NUBP1: variants seen among roughly 807,000 people sequenced by gnomAD.
NUBP1 encodes cytosolic Fe-S cluster assembly factor NUBP1.
A neutral mutation model predicts 41.8 loss-of-function variants in NUBP1; 46 were observed. That is an observed-to-expected ratio of 1.10 (90% confidence interval 0.87 to 1.41). NUBP1 has a LOEUF of 1.41. NUBP1 is among the 40% of genes most tolerant of loss of function. NUBP1 has a pLI of 0.00. For missense variants in NUBP1, 494 were observed against 414.0 expected, an observed-to-expected ratio of 1.19 and a Z score of -1.68; for synonymous variants, 189 against 154.6, an observed-to-expected ratio of 1.22 and a Z score of -1.65.
intron 7 of NUBP1, chr16:10,761,163 T>G: frequency 2.1e-6 from 1 of 487,622 alleles, no homozygotes; most frequent in Non-Finnish European, 3.7e-6. Context: ...AACTGCCTGT[T>G]CCTGTAGGGA....
rs1485261596 is a variant in NUBP1, at chr16:10,768,069, T to C, written c.904+37T>C. On this transcript the variant is annotated intron_variant, in intron 10 of 10. Coordinates refer to ENST00000283027, the MANE Select transcript of NUBP1 (RefSeq NM_002484.4). The surrounding 1 kb of genome is among the most constrained non-coding windows in gnomAD (Gnocchi z 4.3). ...CATGAGTACTAAATGCAGATGCCTG[T>C]GGGGCAGGAAGCAACATAAAGGAGC... 6.3e-7 allele frequency: 1 copy of C among 1,595,764 alleles called. No individual in the cohort carries two copies. Among genetic ancestry groups the C allele is most frequent in the Non-Finnish European group, 8.6e-7 (1 of 1,164,338 alleles).
chr16:10,750,672 G>A (rs1020396148), intron 3 of NUBP1, among the ~76,000 whole-genome samples: 1 of 152,234 alleles, frequency 6.6e-6, no homozygotes, highest in African/African-American at 2.4e-5. Flanking sequence ...GCTGAGAGGG[G>A]CCTTGATGAC....
rs933808735 is a variant in NUBP1, at chr16:10,767,698, T to C, written c.821-251T>C. The C allele has an allele frequency of 5.6e-6, 3 of 534,308 alleles. No homozygotes were observed. The African/African-American group carries it at 5.7e-5, about 10-fold the overall frequency. The allele number at this position is 534,308 out of a possible 1,614,324, so 33.1% of individuals were successfully genotyped here. A position where few individuals can be genotyped will look rare whatever the true frequency, so the allele number is the denominator to read the frequency against. On this transcript the variant is annotated intron_variant, in intron 9 of 10. Transcript: ENST00000283027. This position sits in a 1 kb window ranked among gnomAD's most constrained non-coding sequence, Gnocchi z 4.6. Reference sequence around the variant, plus strand: ...CATGTGGAAGCTGCTGAATCAGTTCTCTGTAGGGCCCTGGAACCTGCATTT... The same window carrying C: ...CATGTGGAAGCTGCTGAATCAGTTCCCTGTAGGGCCCTGGAACCTGCATTT...
chr16:10,762,749 G>C (rs746516866), intron 9 of NUBP1, among the ~76,000 whole-genome samples: 1 of 151,916 alleles, frequency 6.6e-6, no homozygotes, highest in Non-Finnish European at 1.5e-5. Context: ...TGTCTGTGCC[G>C]GGACAGGAGA....
Position 10,765,835 on chromosome 16 carries a change from C to T in NUBP1, c.821-2114C>T, listed in dbSNP as rs2030791940. ...ATTCTGAGCTGAGAACATTAAGTGC[C>T]TTCTAGTGGGCATGGTCCTGTGTGT... On this transcript the variant is annotated intron_variant, in intron 9 of 10. Transcript: ENST00000283027. The surrounding 1 kb of genome is among the most constrained non-coding windows in gnomAD (Gnocchi z 4.0). Among the ~76,000 whole-genome samples the T allele has an allele frequency of 6.6e-6, 1 of 152,244 alleles. No homozygotes were observed. The highest frequency in any genetic ancestry group is 1.5e-5 in the Non-Finnish European group (1 of 68,040).
Position 10,768,911 on chromosome 16 carries a change from C to T in NUBP1, c.905-136C>T. ...GGTCACTTTCAAAGACTCAGGGCAT[C>T]ACAGACACAGGTCTTTTTATGGAAC... On this transcript the variant is annotated intron_variant, in intron 10 of 10. Coordinates refer to ENST00000283027, the MANE Select transcript of NUBP1 (RefSeq NM_002484.4). This position sits in a 1 kb window ranked among gnomAD's most constrained non-coding sequence, Gnocchi z 4.3. The T allele has an allele frequency of 1.4e-6, 1 of 730,434 alleles. No individual in the cohort carries two copies. Among genetic ancestry groups the T allele is most frequent in the Non-Finnish European group, 2.4e-6 (1 of 422,392 alleles). 45.2% of individuals were successfully genotyped at this position (730,434 alleles called of 1,614,324 possible).
chr16:10,759,017 G>A lies in NUBP1; in HGVS notation c.606+990G>A, dbSNP rs979750485. 1.3e-5 allele frequency among the ~76,000 whole-genome samples: 2 copies of A among 152,154 alleles called. No homozygotes were observed. Among genetic ancestry groups the A allele is most frequent in the Admixed American group, 6.5e-5 (1 of 15,284 alleles). ...GGCTCTTCTCCATCTCCACAGTTAC[G>A]CCTGACTTCTCTTCATGACGTTCTC... On this transcript the variant is annotated intron_variant, in intron 7 of 10. Transcript: ENST00000283027. This position sits in a 1 kb window ranked among gnomAD's most constrained non-coding sequence, Gnocchi z 4.7.
intron 5 of NUBP1, 87 bp from the exon 6 acceptor site, chr16:10,756,603 C>A: frequency 1.1e-6 from 1 of 938,072 alleles, no homozygotes; most frequent in Non-Finnish European, 1.5e-6. Context: ...TTTTTTCAGT[C>A]AGAGCTCAAA....
rs532959201 is a variant in NUBP1 at position 10,765,819 on chromosome 16, T to G, written c.821-2130T>G. ...GACAGCTGCGAGGCTCATTCTGAGC[T>G]GAGAACATTAAGTGCCTTCTAGTGG... On this transcript the variant is annotated intron_variant, in intron 9 of 10. Coordinates refer to ENST00000283027, the MANE Select transcript of NUBP1 (RefSeq NM_002484.4). The surrounding 1 kb of genome is among the most constrained non-coding windows in gnomAD (Gnocchi z 4.0). Among the ~76,000 whole-genome samples the G allele has an allele frequency of 3.8e-4, 58 of 152,350 alleles. 1 individual carries two copies. The Middle Eastern group carries it at 0.01, about 27-fold the overall frequency.
At position 10,767,984 on chromosome 16, in the gene NUBP1, G is replaced by T; in HGVS notation, c.856G>T (p.Asp286Tyr). The T allele has an allele frequency of 6.2e-7, 1 of 1,613,900 alleles. No homozygotes were observed. The highest frequency in any genetic ancestry group is 1.3e-5 in the African/African-American group (1 of 74,944). ...TGACAAAGGCCAGTCTTTTTTCATT[G>T]ACGCCCCAGATTCCCCAGCCACGTT... ...NCDKGQSFFI[D>Y]APDSPATLAY... Residue 286 changes from aspartate to tyrosine, a missense_variant, in exon 10 of 11, where the codon GAC (aspartate) becomes TAC (tyrosine). Transcript: ENST00000283027. The surrounding 1 kb of genome is among the most constrained non-coding windows in gnomAD (Gnocchi z 4.6).
intron 3 of NUBP1, among the ~76,000 whole-genome samples, chr16:10,748,589 A>G (rs1377760078): frequency 6.6e-6 from 1 of 152,230 alleles, no homozygotes; most frequent in African/African-American, 2.4e-5. Flanking sequence ...TTTCTCATCT[A>G]TAAAATGGGA....
Position 10,757,951 on chromosome 16 carries a change from C to A in NUBP1, c.530C>A (p.Ser177Ter), listed in dbSNP as rs550505555. The change falls in exon 7 of 11, where the codon TCG becomes TAG. Residue 177 changes from serine to a stop codon, truncating the protein, a stop_gained. Transcript: ENST00000283027. LOFTEE classifies it high-confidence loss of function. The surrounding 1 kb of genome is among the most constrained non-coding windows in gnomAD (Gnocchi z 4.1). ...YLIVDTPPGT[S>*]DEHLSVVRYL... ...ATTGTGGACACCCCACCTGGGACGT[C>A]GGATGAACACCTCTCGGTCGTCCGG... The A allele has an allele frequency of 1.9e-6, 3 of 1,614,102 alleles. No individual in the cohort carries two copies. Among genetic ancestry groups the A allele is most frequent in the Non-Finnish European group, 2.5e-6 (3 of 1,180,020 alleles).
intron 9 of NUBP1, 185 bp downstream of exon 9, chr16:10,762,044 G>A: frequency 1.8e-6 from 1 of 544,720 alleles, no homozygotes. Flanking sequence ...CGAGACCCCT[G>A]CGGGCAGGTA....
chr16:10,761,403 T>G lies in NUBP1; in HGVS notation c.646T>G (p.Cys216Gly). 2 of 1,614,196 alleles carry G rather than the reference T, an allele frequency of 1.2e-6. No individual in the cohort carries two copies. Among genetic ancestry groups the G allele is most frequent in the Non-Finnish European group, 1.7e-6 (2 of 1,180,004 alleles). The change falls in exon 8 of 11, where the codon TGC (cysteine) becomes GGC (glycine). Residue 216 changes from cysteine (C) to glycine (G), a missense_variant. Cys to Gly is a radical substitution (Grantham distance 159). Coordinates refer to ENST00000283027, the MANE Select transcript of NUBP1 (RefSeq NM_002484.4). ...LQDVRKEINFCRKVKLPIIGV... is the reference protein window; with the variant it reads ...LQDVRKEINFGRKVKLPIIGV... ...GGATGTCCGGAAAGAAATCAACTTCTGCCGCAAGGTGAAGCTGCCCATCAT... is the reference window on the plus strand; with the variant it reads ...GGATGTCCGGAAAGAAATCAACTTCGGCCGCAAGGTGAAGCTGCCCATCAT...
rs1039219672 is a variant in NUBP1 at position 10,762,137 on chromosome 16, C to G, written c.820+278C>G. Reference sequence around the variant, plus strand: ...TGGTGAGGGTGGTGGTGGCAGGGGACTGAGGAGGGCACCCGATAGAGGGGC... The same window carrying G: ...TGGTGAGGGTGGTGGTGGCAGGGGAGTGAGGAGGGCACCCGATAGAGGGGC... On this transcript the variant is annotated intron_variant, in intron 9 of 10. Transcript: ENST00000283027. 177 of 310,054 alleles carry G rather than the reference C, an allele frequency of 5.7e-4. 1 individual carries two copies. The highest frequency in any genetic ancestry group is 9.7e-5 in the Non-Finnish European group (16 of 164,788). The allele number at this position is 310,054 out of a possible 1,614,324, so 19.2% of individuals were successfully genotyped here.
chr16:10,755,857 C>T (rs1157091687), intron 5 of NUBP1, 104 bp downstream of exon 5: 7 of 1,066,200 alleles, frequency 6.6e-6, no homozygotes, highest in Admixed American at 2.0e-5. Context: ...GGGTACTTTT[C>T]GAGGCACAGA....
At chr16:10,747,637 GA>G (rs1035607514) in intron 3 of NUBP1, among the ~76,000 whole-genome samples, 3 of 150,632 alleles carry the variant, frequency 2.0e-5, no homozygotes, top group African/African-American at 7.3e-5. Context: ...TGTCCAAGAA[GA>G]AAAAAAAATG....
chr16:10,753,185 G>T (rs544351814), intron 4 of NUBP1, among the ~76,000 whole-genome samples: 4 of 152,166 alleles, frequency 2.6e-5, no homozygotes, highest in African/African-American at 9.7e-5. Flanking sequence ...GGCGGGGGAG[G>T]GGCGGGATTG....
In NUBP1 at chr16:10,767,952, A is replaced by T. The variant is rs1220810633; in HGVS notation, c.824A>T (p.Lys275Met). The T allele has an allele frequency of 1.2e-6, 2 of 1,613,970 alleles. No homozygotes were observed. Among genetic ancestry groups the T allele is most frequent in the Non-Finnish European group, 1.7e-6 (2 of 1,179,984 alleles). Residue 275 changes from lysine to methionine, a missense_variant, in exon 10 of 11, where the codon AAG becomes ATG. By Grantham distance (95) the Lys-to-Met change is moderately conservative (BLOSUM62 -1). Coordinates refer to ENST00000283027, the MANE Select transcript of NUBP1 (RefSeq NM_002484.4). The surrounding 1 kb of genome is among the most constrained non-coding windows in gnomAD (Gnocchi z 4.6). ...TTCCGTTTGTTTCTTTTTTAAGGTA[A>T]GAATTGTGACAAAGGCCAGTCTTTT... ...GRVPLDPLIG[K>M]NCDKGQSFFI...
Sources: gnomAD v4.1 joint callset for allele counts (sites outside exome capture counted in the v4.1 genomes callset) on GRCh38, gnomAD v4.1.1 for gene constraint, Gnocchi (gnomAD v3.1) non-coding constraint, MANE v1.5 for transcripts, NCBI Gene and HGNC (gene_info 2026-07-23, HGNC 2026-07-21) for gene names.